Variants in ATRNL1 observed in about 807,000 individuals in gnomAD.
ATRNL1 encodes attractin like 1.
In ATRNL1, 95 loss-of-function variants were observed where a neutral mutation model predicts 182.7. The observed-to-expected ratio is 0.52, with a 90% CI of 0.44 to 0.62. ATRNL1 has a LOEUF of 0.62. ATRNL1 is among the 20% of genes least tolerant of loss of function. The probability of loss-of-function intolerance (pLI) is 0.00; values close to 1 mark genes in which losing one functional copy is unlikely to be tolerated. For missense variants in ATRNL1, 1,471 were observed against 1,679.5 expected, an observed-to-expected ratio of 0.88 and a Z score of 2.17; for synonymous variants, 576 against 568.3, an observed-to-expected ratio of 1.01 and a Z score of -0.19.
In ATRNL1 at chr10:115,696,286, T is replaced by C. The variant is rs150579203; in HGVS notation, c.3796-30962T>C. ...ATTGTGAACAGTGCTGTGACAAGCATACCTGTGCATGGTCTTTATAATGGA... is the reference window on the plus strand; with the variant it reads ...ATTGTGAACAGTGCTGTGACAAGCACACCTGTGCATGGTCTTTATAATGGA... On this transcript the variant is annotated intron_variant, in intron 26 of 28. Transcript: ENST00000355044. Among the ~76,000 whole-genome samples, 673 of 152,296 alleles carry C rather than the reference T, an allele frequency of 4.4e-3. 8 individuals carry two copies. Among genetic ancestry groups the C allele is most frequent in the African/African-American group, 0.016 (645 of 41,572 alleles).
chr10:115,507,239 A>G (rs781885077), intron 24 of ATRNL1, among the ~76,000 whole-genome samples: 6 of 152,038 alleles, frequency 3.9e-5, no homozygotes, highest in Non-Finnish European at 7.4e-5. Context: ...GCGACTTTGA[A>G]TGAAATGGGA....
At chr10:115,291,082 G>A (rs1394442265) in intron 15 of ATRNL1, among the ~76,000 whole-genome samples, 1 of 152,156 alleles carries the variant, frequency 6.6e-6, no homozygotes. Flanking sequence ...ATCTCTGTCT[G>A]CAGCTCAATT....
intron 26 of ATRNL1, among the ~76,000 whole-genome samples, chr10:115,631,029 G>A (rs1485315046): frequency 6.6e-6 from 1 of 151,566 alleles, no homozygotes; most frequent in African/African-American, 2.4e-5. Flanking sequence ...CCTAATCATA[G>A]AAGAAAGTAG....
At chr10:115,356,734 C>G (rs958635644) in intron 19 of ATRNL1, among the ~76,000 whole-genome samples, 1 of 151,838 alleles carries the variant, frequency 6.6e-6, no homozygotes, top group African/African-American at 2.4e-5. Flanking sequence ...GTTTTATGTT[C>G]TACCTCTTCA....
At chr10:115,570,671 C>T (rs1014414472) in intron 26 of ATRNL1, among the ~76,000 whole-genome samples, 17 of 152,170 alleles carry the variant, frequency 1.1e-4, no homozygotes, top group African/African-American at 1.2e-4. Flanking sequence ...AATGCTTTGA[C>T]CAGTCAACTG....
At chr10:115,534,314 A>T (rs1284158221) in intron 25 of ATRNL1, among the ~76,000 whole-genome samples, 2 of 151,914 alleles carry the variant, frequency 1.3e-5, no homozygotes, top group Non-Finnish European at 2.9e-5. Context: ...TATATTTAGG[A>T]TAGTTAGCTC....
At chr10:115,268,498 A>T in intron 13 of ATRNL1, 54 bp downstream of exon 13, 1 of 1,222,138 alleles carries the variant, frequency 8.2e-7, no homozygotes, top group South Asian at 1.2e-5. Context: ...CTGCTTTATG[A>T]TCATTAGCTT....
intron 20 of ATRNL1, among the ~76,000 whole-genome samples, chr10:115,396,489 C>A (rs1439258892): frequency 6.6e-6 from 1 of 152,008 alleles, no homozygotes; most frequent in East Asian, 1.9e-4. Flanking sequence ...AAGAACTCTA[C>A]ATTCTTCTTT....
intron 27 of ATRNL1, among the ~76,000 whole-genome samples, chr10:115,808,848 A>G (rs1949981199): frequency 6.6e-6 from 1 of 152,078 alleles, no homozygotes. Flanking sequence ...AATGATGTTC[A>G]GTTTATTGAC....
intron 10 of ATRNL1, among the ~76,000 whole-genome samples, chr10:115,245,548 G>A (rs376367315): frequency 6.6e-6 from 1 of 150,978 alleles, no homozygotes; most frequent in South Asian, 2.1e-4. Flanking sequence ...AATGAAGCCT[G>A]GGATACCTGA....
intron 21 of ATRNL1, among the ~76,000 whole-genome samples, chr10:115,451,103 A>G (rs1457364714): frequency 6.6e-6 from 1 of 152,166 alleles, no homozygotes; most frequent in South Asian, 2.1e-4. Context: ...TCCTTACACC[A>G]TATACAAAAG....
At chr10:115,672,596 A>G (rs532227819) in intron 26 of ATRNL1, among the ~76,000 whole-genome samples, 1 of 152,270 alleles carries the variant, frequency 6.6e-6, no homozygotes, top group East Asian at 1.9e-4. Context: ...AATGTTGAGA[A>G]GTTAAGAATA....
chr10:115,252,626 A>G (rs1313661029), intron 10 of ATRNL1, among the ~76,000 whole-genome samples: 2 of 152,178 alleles, frequency 1.3e-5, no homozygotes, highest in Non-Finnish European at 2.9e-5. Flanking sequence ...AGGAGCATCA[A>G]CTTCTGATAT....
chr10:115,717,855 G>A (rs1211215884), intron 26 of ATRNL1, among the ~76,000 whole-genome samples: 3 of 151,994 alleles, frequency 2.0e-5, no homozygotes, highest in Non-Finnish European at 2.9e-5. Context: ...CACCCGGCCT[G>A]AAATGTTCTT....
chr10:115,572,390 T>C (rs1230261802), intron 26 of ATRNL1, among the ~76,000 whole-genome samples: 1 of 151,878 alleles, frequency 6.6e-6, no homozygotes, highest in African/African-American at 2.4e-5. Flanking sequence ...GTTTTTGAGG[T>C]CAAATATATT....
At chr10:115,266,224 G>T (rs1554910650) in intron 11 of ATRNL1, among the ~76,000 whole-genome samples, 1 of 151,282 alleles carries the variant, frequency 6.6e-6, no homozygotes, top group Non-Finnish European at 1.5e-5. Flanking sequence ...GTATTGTCTA[G>T]GCTTCTCTTT....
intron 19 of ATRNL1, among the ~76,000 whole-genome samples, chr10:115,365,642 T>C (rs1430770910): frequency 7.3e-5 from 11 of 151,640 alleles, no homozygotes; most frequent in East Asian, 1.9e-4. Flanking sequence ...TTTCCTGCTT[T>C]CTCTTGTGGG....
chr10:115,127,859 T>C (rs943962695), intron 4 of ATRNL1, 138 bp downstream of exon 4: 1 of 547,036 alleles, frequency 1.8e-6, no homozygotes, highest in African/African-American at 2.0e-5. Context: ...GTAGGCAGGA[T>C]CCCTTCTTAA....
At chr10:115,537,720 G>C (rs1554990935) in intron 25 of ATRNL1, among the ~76,000 whole-genome samples, 1 of 72,700 alleles carries the variant, frequency 1.4e-5, no homozygotes, top group Non-Finnish European at 3.1e-5. Context: ...TTTTACTTCT[G>C]TTGGAAGCAT....
Sources: gnomAD v4.1 joint callset for allele counts (sites outside exome capture counted in the v4.1 genomes callset) on GRCh38, gnomAD v4.1.1 for gene constraint, MANE v1.5 for transcripts, NCBI Gene and HGNC (gene_info 2026-07-23, HGNC 2026-07-21) for gene names.